KALRN: variants seen among roughly 807,000 people sequenced by gnomAD.
KALRN encodes the protein kalirin RhoGEF kinase, also known as kalirin.
In KALRN, 70 loss-of-function variants were observed where a neutral mutation model predicts 353.7. The observed-to-expected ratio is 0.20, with a 90% CI of 0.16 to 0.24. KALRN has a LOEUF of 0.24. KALRN is among the 10% of genes least tolerant of loss of function. The pLI is 1.00. For missense variants in KALRN, 2,791 were observed against 3,756.7 expected, an observed-to-expected ratio of 0.74 and a Z score of 6.72; for synonymous variants, 1,391 against 1,434.8, an observed-to-expected ratio of 0.97 and a Z score of 0.69.
In KALRN at chr3:124,292,700, A is replaced by G. The variant is rs887350352; in HGVS notation, c.970-6091A>G. ...GTGGATGTGTTTGCATATGAGCTGCAGGTGTGATTCCCCATTTACTGCAAT... is the reference window on the plus strand; with the variant it reads ...GTGGATGTGTTTGCATATGAGCTGCGGGTGTGATTCCCCATTTACTGCAAT... On this transcript the variant is annotated intron_variant, in intron 5 of 59. Coordinates refer to ENST00000682506, the MANE Select transcript of KALRN (RefSeq NM_001388419.1). Among the ~76,000 whole-genome samples the G allele has an allele frequency of 1.4e-4, 22 of 152,198 alleles. 1 individual carries two copies. Among genetic ancestry groups the G allele is most frequent in the African/African-American group, 5.3e-4 (22 of 41,448 alleles).
chr3:124,714,778 G>C (rs1342081145), intron 58 of KALRN, among the ~76,000 whole-genome samples: 1 of 152,178 alleles, frequency 6.6e-6, no homozygotes, highest in Non-Finnish European at 1.5e-5. Context: ...CACTTTGAGA[G>C]GCCGAGGTGG....
At chr3:124,479,628 A>C (rs1422103028) in intron 27 of KALRN, among the ~76,000 whole-genome samples, 1 of 152,166 alleles carries the variant, frequency 6.6e-6, no homozygotes, top group Non-Finnish European at 1.5e-5. Flanking sequence ...TAAACCCTTA[A>C]TAAAGGCAGT....
At chr3:124,573,343 A>G (rs973554862) in intron 34 of KALRN, among the ~76,000 whole-genome samples, 3 of 152,184 alleles carry the variant, frequency 2.0e-5, no homozygotes, top group African/African-American at 7.2e-5. Context: ...CAGTCCAGTT[A>G]TGCCCCACCA....
rs953108126 is a variant in KALRN at position 124,662,641 on chromosome 3, T to C, written c.6345+713T>C. Among the ~76,000 whole-genome samples the C allele has an allele frequency of 2.0e-5, 3 of 152,122 alleles. No individual in the cohort carries two copies. The South Asian group carries it at 6.2e-4, about 32-fold the overall frequency. ...TAAAACATTACAGTACAAAGTTCTG[T>C]TATTTGAAGAGGGGAATCAAGTCTG... is the stretch of plus-strand genomic sequence containing the variant. On this transcript the variant is annotated intron_variant, in intron 45 of 59. Coordinates refer to ENST00000682506, the MANE Select transcript of KALRN (RefSeq NM_001388419.1).
At chr3:124,424,146 A>G (rs1031146617) in intron 15 of KALRN, among the ~76,000 whole-genome samples, 3 of 152,148 alleles carry the variant, frequency 2.0e-5, no homozygotes, top group Non-Finnish European at 4.4e-5. Context: ...ACCACTCTCC[A>G]CAGGTCCCGG....
intron 3 of KALRN, among the ~76,000 whole-genome samples, chr3:124,262,297 C>A (rs772609502): frequency 6.6e-6 from 1 of 152,178 alleles, no homozygotes; most frequent in Non-Finnish European, 1.5e-5. Flanking sequence ...GAAAACTCTA[C>A]GCACAGAAAA....
chr3:124,204,174 A>G (rs2076206585), intron 1 of KALRN, among the ~76,000 whole-genome samples: 1 of 152,216 alleles, frequency 6.6e-6, no homozygotes, highest in South Asian at 2.1e-4. Context: ...GTTTCTTCAT[A>G]GGACCCTTTA....
intron 3 of KALRN, among the ~76,000 whole-genome samples, chr3:124,250,062 G>GT (rs1368264132): frequency 6.6e-6 from 1 of 152,092 alleles, no homozygotes; most frequent in Non-Finnish European, 1.5e-5. Context: ...GCATGGCCTG[G>GT]GGGGGGTGGC....
intron 34 of KALRN, among the ~76,000 whole-genome samples, chr3:124,568,642 T>C (rs976847568): frequency 2.0e-5 from 3 of 152,184 alleles, no homozygotes; most frequent in African/African-American, 7.2e-5. Flanking sequence ...ATACATACAA[T>C]GGGATACTCT....
chr3:124,365,276 G>C (rs1163016838), intron 10 of KALRN, among the ~76,000 whole-genome samples: 1 of 152,102 alleles, frequency 6.6e-6, no homozygotes, highest in African/African-American at 2.4e-5. Context: ...AAAATGAAGG[G>C]GGGTACCTAT....
chr3:124,565,533 A>C (rs2109945422), intron 34 of KALRN, among the ~76,000 whole-genome samples: 1 of 152,358 alleles, frequency 6.6e-6, no homozygotes, highest in South Asian at 2.1e-4. Flanking sequence ...ATTATCCAGC[A>C]AAATAACTAC....
intron 9 of KALRN, among the ~76,000 whole-genome samples, chr3:124,335,115 G>T (rs936573322): frequency 1.3e-5 from 2 of 152,106 alleles, no homozygotes; most frequent in South Asian, 2.1e-4. Context: ...TGGTGAGCTT[G>T]ACCCACACTC....
chr3:124,213,191 G>A (rs1424092493), intron 1 of KALRN, among the ~76,000 whole-genome samples: 2 of 151,940 alleles, frequency 1.3e-5, no homozygotes, highest in Non-Finnish European at 2.9e-5. Context: ...TAAAGGTTTG[G>A]GCTCTAATCT....
intron 10 of KALRN, among the ~76,000 whole-genome samples, chr3:124,377,944 A>G (rs1024633740): frequency 1.1e-4 from 17 of 151,958 alleles, no homozygotes; most frequent in African/African-American, 3.4e-4. Flanking sequence ...CTTTGTACTT[A>G]TAGTGCATTC....
At chr3:124,314,007 C>T (rs565397907) in intron 6 of KALRN, among the ~76,000 whole-genome samples, 245 of 152,152 alleles carry the variant, frequency 1.6e-3, no homozygotes, top group Middle Eastern at 3.4e-3. Flanking sequence ...AACTAGAATA[C>T]CCAAAGGATT....
chr3:124,512,365 G>C (rs780075384), intron 33 of KALRN, among the ~76,000 whole-genome samples: 4 of 152,154 alleles, frequency 2.6e-5, no homozygotes, highest in Non-Finnish European at 4.4e-5. Flanking sequence ...AAACATGAAG[G>C]GGGTGGCCAG....
At chr3:124,363,334 A>G (rs945163241) in intron 10 of KALRN, among the ~76,000 whole-genome samples, 2 of 152,184 alleles carry the variant, frequency 1.3e-5, no homozygotes, top group East Asian at 3.8e-4. Context: ...GTGGGAAGCA[A>G]CAAGATCCAG....
intron 1 of KALRN, among the ~76,000 whole-genome samples, chr3:124,192,641 A>G (rs1194971006): frequency 2.0e-5 from 3 of 152,164 alleles, no homozygotes. Flanking sequence ...TACCCTGTAA[A>G]TAATATGCAC....
chr3:124,366,809 A>G lies in KALRN; in HGVS notation c.1771-18036A>G, dbSNP rs1489589173. Among the ~76,000 whole-genome samples, 44 of 149,710 alleles carry G rather than the reference A, an allele frequency of 2.9e-4. 1 individual carries two copies. The highest frequency in any genetic ancestry group is 1.1e-3 in the African/African-American group (43 of 40,206). On this transcript the variant is annotated intron_variant, in intron 10 of 59. Coordinates refer to ENST00000682506, the MANE Select transcript of KALRN (RefSeq NM_001388419.1). ...GGCAGAGGCGCCCCTCACCTCCCGG[A>G]CGGGGTGGCTGGCTGGGCGGGGGTC...
Sources: gnomAD v4.1 joint callset for allele counts (sites outside exome capture counted in the v4.1 genomes callset) on GRCh38, gnomAD v4.1.1 for gene constraint, MANE v1.5 for transcripts, NCBI Gene and HGNC (gene_info 2026-07-23, HGNC 2026-07-21) for gene names.